Variants in TMEM132D observed in about 807,000 individuals in gnomAD.
The protein encoded by TMEM132D is transmembrane protein 132D, also known as mature OL transmembrane protein.
TMEM132D carries 21 observed loss-of-function variants against 62.3 expected under a neutral mutation model. The ratio of observed to expected loss-of-function variants is 0.34; its 90% CI spans 0.24 to 0.49. The LOEUF is 0.49. Ranked by LOEUF, TMEM132D falls within the 20% of genes least tolerant of loss-of-function variation. The pLI is 0.99. For missense variants in TMEM132D, 1,346 were observed against 1,402.8 expected, an observed-to-expected ratio of 0.96 and a Z score of 0.65; for synonymous variants, 621 against 575.6, an observed-to-expected ratio of 1.08 and a Z score of -1.13.
At chr12:129,152,750 T>C (rs1397714961) in intron 5 of TMEM132D, among the ~76,000 whole-genome samples, 3 of 152,342 alleles carry the variant, frequency 2.0e-5, no homozygotes, top group East Asian at 3.9e-4. Context: ...GTTGGTCATT[T>C]GCCCTCACGT....
intron 5 of TMEM132D, among the ~76,000 whole-genome samples, chr12:129,116,081 T>C (rs1280063109): frequency 1.3e-5 from 2 of 152,200 alleles, no homozygotes; most frequent in Admixed American, 1.3e-4. Flanking sequence ...GTGAGACTCC[T>C]GCCTCCAGCC....
chr12:129,414,765 A>G (rs945612635), intron 3 of TMEM132D, among the ~76,000 whole-genome samples: 3 of 152,142 alleles, frequency 2.0e-5, no homozygotes, highest in African/African-American at 7.2e-5. Flanking sequence ...CTCATTTTAC[A>G]ACCGAAAATT....
intron 3 of TMEM132D, among the ~76,000 whole-genome samples, chr12:129,461,490 G>A (rs1873668091): frequency 6.6e-6 from 1 of 152,070 alleles, no homozygotes; most frequent in Non-Finnish European, 1.5e-5. Context: ...AAGACAAAGA[G>A]AGCCCAGGAA....
At chr12:129,780,522 T>C (rs1871089337) in intron 1 of TMEM132D, among the ~76,000 whole-genome samples, 1 of 152,116 alleles carries the variant, frequency 6.6e-6, no homozygotes, top group South Asian at 2.1e-4. Flanking sequence ...GGGGCAGCTG[T>C]CACTTCCAGC....
At chr12:129,761,057 G>C (rs1870358840) in intron 1 of TMEM132D, among the ~76,000 whole-genome samples, 1 of 152,226 alleles carries the variant, frequency 6.6e-6, no homozygotes, top group East Asian at 1.9e-4. Context: ...AAACAGGCGG[G>C]GTTTTCATTC....
At chr12:129,747,773 AAC>A (rs1277957099) in intron 1 of TMEM132D, among the ~76,000 whole-genome samples, 3 of 149,424 alleles carry the variant, frequency 2.0e-5, no homozygotes, top group African/African-American at 7.4e-5. Context: ...ACACACACTC[AAC>A]ACATTCACAC....
chr12:129,093,425 C>A (rs1211176806), intron 5 of TMEM132D, among the ~76,000 whole-genome samples: 1 of 151,964 alleles, frequency 6.6e-6, no homozygotes, highest in African/African-American at 2.4e-5. Context: ...GAGTGAACTC[C>A]CATTCACAAT....
rs76760153 is a variant in TMEM132D at position 129,779,981 on chromosome 12, G to A, written c.80-79283C>T. Among the ~76,000 whole-genome samples the A allele has an allele frequency of 0.013, 1,945 of 151,776 alleles. 69 individuals carry two copies. The highest frequency in any genetic ancestry group is 0.12 in the East Asian group (611 of 5,118). On this transcript the variant is annotated intron_variant, in intron 1 of 8. Transcript: ENST00000422113. The surrounding 1 kb of genome is among the most constrained non-coding windows in gnomAD (Gnocchi z 4.1). ...ACTGTCAGCCCCATTTCATCCATGAGGAATCAGGAGCCCAGAAGACTAACT... is the reference window on the plus strand; with the variant it reads ...ACTGTCAGCCCCATTTCATCCATGAAGAATCAGGAGCCCAGAAGACTAACT...
At chr12:129,790,070 C>T (rs1593162744) in intron 1 of TMEM132D, among the ~76,000 whole-genome samples, 1 of 152,178 alleles carries the variant, frequency 6.6e-6, no homozygotes, top group Non-Finnish European at 1.5e-5. Context: ...GGACTCCACT[C>T]GCTCAGTCCC....
At chr12:129,538,581 AAATT>A (rs1262151540) in intron 2 of TMEM132D, among the ~76,000 whole-genome samples, 1 of 152,364 alleles carries the variant, frequency 6.6e-6, no homozygotes, top group African/African-American at 2.4e-5. Context: ...TACCTATGAT[AAATT>A]AATTTATAAA....
intron 1 of TMEM132D, among the ~76,000 whole-genome samples, chr12:129,702,196 C>T (rs573835650): frequency 1.1e-4 from 17 of 152,190 alleles, no homozygotes; most frequent in African/African-American, 3.6e-4. Context: ...AAACTCAGAG[C>T]AGGCTGAGCT....
chr12:129,831,842 T>C (rs35417871), intron 1 of TMEM132D, among the ~76,000 whole-genome samples: 28,199 of 148,092 alleles, frequency 0.19, 2,819 homozygotes, highest in South Asian at 0.3. Context: ...CGTTGAAGCA[T>C]TTTTTTTTCT....
At chr12:129,691,455 G>C (rs1881058459) in intron 2 of TMEM132D, among the ~76,000 whole-genome samples, 1 of 151,852 alleles carries the variant, frequency 6.6e-6, no homozygotes, top group Non-Finnish European at 1.5e-5. Flanking sequence ...CAAGGAAAAA[G>C]GGAAGACAAA....
intron 5 of TMEM132D, among the ~76,000 whole-genome samples, chr12:129,140,352 A>T (rs1320482581): frequency 6.6e-6 from 1 of 152,184 alleles, no homozygotes; most frequent in African/African-American, 2.4e-5. Context: ...GATATACAAT[A>T]GAAAGATATG....
At chr12:129,798,717 TAA>T (rs1871643217) in intron 1 of TMEM132D, among the ~76,000 whole-genome samples, 1 of 40,572 alleles carries the variant, frequency 2.5e-5, no homozygotes, top group Non-Finnish European at 7.3e-5. Flanking sequence ...TGGAGGGAGA[TAA>T]GACTGAGAAG....
At chr12:129,507,777 G>A (rs914875350) in intron 3 of TMEM132D, among the ~76,000 whole-genome samples, 18 of 151,928 alleles carry the variant, frequency 1.2e-4, no homozygotes, top group African/African-American at 4.4e-4. Flanking sequence ...TCGGTTGATG[G>A]GTGCACCAAA....
intron 1 of TMEM132D, among the ~76,000 whole-genome samples, chr12:129,833,292 T>C (rs189616938): frequency 6.6e-5 from 10 of 152,298 alleles, no homozygotes; most frequent in Admixed American, 5.9e-4. Context: ...TTGTAATTCC[T>C]TCCTACACCA....
intron 5 of TMEM132D, among the ~76,000 whole-genome samples, chr12:129,157,826 T>A (rs1197973395): frequency 6.6e-6 from 1 of 152,220 alleles, no homozygotes; most frequent in Non-Finnish European, 1.5e-5. Flanking sequence ...ATTTCATTGC[T>A]TTTTCCTCTG....
At chr12:129,794,177 C>T (rs935338359) in intron 1 of TMEM132D, among the ~76,000 whole-genome samples, 7 of 151,564 alleles carry the variant, frequency 4.6e-5, no homozygotes, top group Admixed American at 4.6e-4. Flanking sequence ...CAACCTCCAC[C>T]TCCCAGGTTA....
Sources: allele counts gnomAD v4.1 joint callset (sites outside exome capture counted in the v4.1 genomes callset), GRCh38; gene constraint gnomAD v4.1.1; non-coding constraint Gnocchi (gnomAD v3.1); transcripts MANE v1.5; gene names NCBI Gene and HGNC (gene_info 2026-07-23, HGNC 2026-07-21).